The following UBXN7 variants were observed in gnomAD, a reference collection of about 807,000 sequenced individuals.
The protein encoded by UBXN7 is UBX domain-containing protein 7.
In UBXN7, 9 loss-of-function variants were observed where a neutral mutation model predicts 58.0. The ratio of observed to expected loss-of-function variants is 0.16; its 90% CI spans 0.09 to 0.27. The LOEUF is 0.27. Among genes scored for constraint, UBXN7 ranks in the 10% least tolerant of loss-of-function variants. The probability of loss-of-function intolerance (pLI) is 1.00; values close to 1 mark genes in which losing one functional copy is unlikely to be tolerated. For missense variants in UBXN7, 328 were observed against 599.6 expected, an observed-to-expected ratio of 0.55 and a Z score of 4.73; for synonymous variants, 208 against 205.0, an observed-to-expected ratio of 1.01 and a Z score of -0.12.
intron 1 of UBXN7, among the ~76,000 whole-genome samples, chr3:196,428,138 A>G (rs930104680): frequency 1.3e-5 from 2 of 152,028 alleles, no homozygotes; most frequent in African/African-American, 2.4e-5. Flanking sequence ...AAAAACAAAA[A>G]CAAAAACAAA....
At chr3:196,373,610 G>A (rs1470681280) in intron 5 of UBXN7, among the ~76,000 whole-genome samples, 2 of 149,762 alleles carry the variant, frequency 1.3e-5, no homozygotes, top group African/African-American at 5.1e-5. Flanking sequence ...CATTTTGTGG[G>A]TACTGAAAAA....
intron 2 of UBXN7, 45 bp from the exon 3 acceptor site, chr3:196,403,064 G>A (rs773850343): frequency 1.9e-6 from 3 of 1,539,578 alleles, no homozygotes; most frequent in Non-Finnish European, 2.6e-6. Flanking sequence ...ACTGTTTTCT[G>A]CTACCTGTTT....
At position 196,347,914 on chromosome 3, in the gene UBXN7, C is replaced by T. The variant is rs890039028; in HGVS notation, c.*8771G>A. 3.4e-5 allele frequency: 5 copies of T among 148,568 alleles called. No homozygotes were observed. The highest frequency in any genetic ancestry group is 1.2e-4 in the African/African-American group (5 of 40,160). The allele number at this position is 148,568 out of a possible 1,614,324, so 9.2% of individuals were successfully genotyped here. A position where few individuals can be genotyped will look rare whatever the true frequency, so the allele number is the denominator to read the frequency against. ...TATAAAGCAACTGGGTACAACACAG[C>T]AAGAGTATTCACAATTTGGTACAGA... On this transcript the variant is annotated 3_prime_UTR_variant, in exon 11 of 11. Transcript: ENST00000296328.
Position 196,354,214 on chromosome 3 carries a change from G to GAGTGAA in UBXN7, c.*2465_*2470dup, listed in dbSNP as rs1367258077. ...AGACATCCCAGCTGCATGTTAAGCT[G>GAGTGAA]AGTGAAAGTACCATGCTGTCTTTTA... On this transcript the variant is annotated 3_prime_UTR_variant, in exon 11 of 11. Coordinates refer to ENST00000296328, the MANE Select transcript of UBXN7 (RefSeq NM_015562.2). The GAGTGAA allele has an allele frequency of 6.6e-6, 1 of 152,176 alleles. No homozygotes were observed. Among genetic ancestry groups the GAGTGAA allele is most frequent in the African/African-American group, 2.4e-5 (1 of 41,436 alleles). The allele number at this position is 152,176 out of a possible 1,614,324, so 9.4% of individuals were successfully genotyped here.
chr3:196,417,056 G>C (rs557964995), intron 1 of UBXN7, among the ~76,000 whole-genome samples: 2 of 152,222 alleles, frequency 1.3e-5, no homozygotes, highest in Non-Finnish European at 2.9e-5. Flanking sequence ...GCTCACGCCT[G>C]TAATCCCAGA....
Position 196,396,418 on chromosome 3 carries a change from A to G in UBXN7, c.290-2799T>C, listed in dbSNP as rs111476861. Among the ~76,000 whole-genome samples, 313 of 151,216 alleles carry G rather than the reference A, an allele frequency of 2.1e-3. 5 individuals are homozygous for G. The highest frequency in any genetic ancestry group is 6.7e-3 in the African/African-American group (277 of 41,348). On this transcript the variant is annotated intron_variant, in intron 3 of 10. Coordinates refer to ENST00000296328, the MANE Select transcript of UBXN7 (RefSeq NM_015562.2). Reference sequence around the variant, plus strand: ...TCTTAAAAAAAAAAAAAAAAAATTAACTTTTTAAAAATAACTAGATATCTG... The same window carrying G: ...TCTTAAAAAAAAAAAAAAAAAATTAGCTTTTTAAAAATAACTAGATATCTG...
chr3:196,388,038 C>G (rs1211090714), intron 5 of UBXN7, among the ~76,000 whole-genome samples: 2 of 152,000 alleles, frequency 1.3e-5, no homozygotes, highest in Non-Finnish European at 2.9e-5. Context: ...GACTTGGAAC[C>G]AACCCAAATG....
chr3:196,373,847 C>T (rs1728913966), intron 5 of UBXN7, among the ~76,000 whole-genome samples: 1 of 152,150 alleles, frequency 6.6e-6, no homozygotes, highest in South Asian at 2.1e-4. Context: ...TGTCAGTCAC[C>T]CCACTCAGCC....
intron 5 of UBXN7, among the ~76,000 whole-genome samples, chr3:196,373,040 C>T (rs140907277): frequency 0.012 from 1,853 of 152,278 alleles, 48 homozygotes; most frequent in African/African-American, 0.043. Flanking sequence ...CGTGAGCCAC[C>T]GCGCCCAGCC....
At chr3:196,395,533 C>A (rs556343137) in intron 3 of UBXN7, among the ~76,000 whole-genome samples, 1 of 151,752 alleles carries the variant, frequency 6.6e-6, no homozygotes, top group Admixed American at 6.6e-5. Context: ...AGACTCCATC[C>A]TCCTAGGCTC....
chr3:196,369,400 G>T, intron 7 of UBXN7, 21 bp downstream of exon 7: 1 of 1,545,456 alleles, frequency 6.5e-7, no homozygotes, highest in Non-Finnish European at 8.9e-7. Context: ...GTTAAAAGCT[G>T]CGTGCTGATA....
In UBXN7 at chr3:196,384,256, G is replaced by A. The variant is rs541578471; in HGVS notation, c.468+7557C>T. Among the ~76,000 whole-genome samples, 216 of 152,274 alleles carry A rather than the reference G, an allele frequency of 1.4e-3. 1 individual carries two copies. Among genetic ancestry groups the A allele is most frequent in the Non-Finnish European group, 2.0e-3 (139 of 68,026 alleles). On this transcript the variant is annotated intron_variant, in intron 5 of 10. Coordinates refer to ENST00000296328, the MANE Select transcript of UBXN7 (RefSeq NM_015562.2). ...CCTCCCAAGACTAAACCAGGAAGAAGTTGAATCTCTGAACAGACCAATAAC... is the reference window on the plus strand; with the variant it reads ...CCTCCCAAGACTAAACCAGGAAGAAATTGAATCTCTGAACAGACCAATAAC...
At chr3:196,374,654 G>A (rs1482039353) in intron 5 of UBXN7, among the ~76,000 whole-genome samples, 1 of 150,782 alleles carries the variant, frequency 6.6e-6, no homozygotes, top group Non-Finnish European at 1.5e-5. Context: ...GCCGAGGTGG[G>A]TGGATCACCT....
Position 196,351,453 on chromosome 3 carries a change from G to A in UBXN7, c.*5232C>T, listed in dbSNP as rs1342652237. Reference sequence around the variant, plus strand: ...GTCATCGCAGTAAGATTAAGAGCAAGTTGTTGGTCAAATGATACCTGAACA... The same window carrying A: ...GTCATCGCAGTAAGATTAAGAGCAAATTGTTGGTCAAATGATACCTGAACA... On this transcript the variant is annotated 3_prime_UTR_variant, in exon 11 of 11. Coordinates refer to ENST00000296328, the MANE Select transcript of UBXN7 (RefSeq NM_015562.2). 6.6e-6 allele frequency: 1 copy of A among 151,680 alleles called. No individual in the cohort carries two copies. Among genetic ancestry groups the A allele is most frequent in the Non-Finnish European group, 1.5e-5 (1 of 67,994 alleles). The allele number at this position is 151,680 out of a possible 1,614,324, so 9.4% of individuals were successfully genotyped here.
chr3:196,383,116 C>CAA (rs370376004), intron 5 of UBXN7, among the ~76,000 whole-genome samples: 1 of 100,720 alleles, frequency 9.9e-6, no homozygotes, highest in Non-Finnish European at 2.1e-5. Flanking sequence ...ACTCCATCTC[C>CAA]AAAAAAAAAA....
rs11920918 is a variant in UBXN7, at chr3:196,368,689, G to A, written c.707-534C>T. On this transcript the variant is annotated intron_variant, in intron 7 of 10. Transcript: ENST00000296328. Reference sequence around the variant, plus strand: ...GCTATCACTTACTGCCATTTAGGAAGAAGAGATTCAGACAAAGCAATATCT... The same window carrying A: ...GCTATCACTTACTGCCATTTAGGAAAAAGAGATTCAGACAAAGCAATATCT... Among the ~76,000 whole-genome samples, 1,217 of 152,276 alleles carry A rather than the reference G, an allele frequency of 8.0e-3. 13 individuals carry two copies. The highest frequency in any genetic ancestry group is 0.028 in the African/African-American group (1,163 of 41,552).
intron 3 of UBXN7, among the ~76,000 whole-genome samples, chr3:196,394,453 A>C (rs1729701192): frequency 6.6e-6 from 1 of 151,600 alleles, no homozygotes; most frequent in Non-Finnish European, 1.5e-5. Flanking sequence ...ATACAAAAAA[A>C]CTAGCCAGGT....
chr3:196,376,564 AAAAAG>A lies in UBXN7; in HGVS notation c.469-4527_469-4523del, dbSNP rs1560224108. Among the ~76,000 whole-genome samples the A allele has an allele frequency of 4.7e-5, 7 of 148,018 alleles. 1 individual carries two copies. The highest frequency in any genetic ancestry group is 1.3e-4 in the African/African-American group (5 of 39,284). ...CTGTCTCAAAAAAAAAAAAAAAAAA[AAAAAG>A]AAAAGAAAAGAAAAAGGAAAAATTA... On this transcript the variant is annotated intron_variant, in intron 5 of 10. Coordinates refer to ENST00000296328, the MANE Select transcript of UBXN7 (RefSeq NM_015562.2).
intron 1 of UBXN7, among the ~76,000 whole-genome samples, chr3:196,411,969 C>T (rs1730342490): frequency 1.3e-5 from 2 of 152,064 alleles, no homozygotes; most frequent in South Asian, 4.1e-4. Flanking sequence ...TGGCTCATGC[C>T]TGTAAACCTG....
Sources: gnomAD v4.1 joint callset for allele counts (sites outside exome capture counted in the v4.1 genomes callset) on GRCh38, gnomAD v4.1.1 for gene constraint, MANE v1.5 for transcripts, NCBI Gene and HGNC (gene_info 2026-07-23, HGNC 2026-07-21) for gene names.